The following THSD7A variants were observed in gnomAD, a reference collection of about 807,000 sequenced individuals.
THSD7A encodes thrombospondin type-1 domain-containing protein 7A.
THSD7A carries 96 observed loss-of-function variants against 231.3 expected under a neutral mutation model. That is an observed-to-expected ratio of 0.41 (90% confidence interval 0.35 to 0.49). THSD7A has a LOEUF of 0.49. Ranked by LOEUF, THSD7A falls within the 20% of genes least tolerant of loss-of-function variation. The probability of loss-of-function intolerance (pLI) is 0.05; values close to 1 mark genes in which losing one functional copy is unlikely to be tolerated. For missense variants in THSD7A, 2,290 were observed against 2,070.2 expected (o/e 1.11, Z -2.06); for synonymous variants, 940 against 743.3 (o/e 1.26, Z -4.30).
intron 1 of THSD7A, among the ~76,000 whole-genome samples, chr7:11,682,265 A>C (rs966189982): frequency 6.6e-6 from 1 of 152,110 alleles, no homozygotes; most frequent in African/African-American, 2.4e-5. Context: ...AATATTAACC[A>C]TGAATGTAAA....
chr7:11,385,193 C>T (rs985111602), intron 23 of THSD7A: 2 of 150,522 alleles, frequency 1.3e-5, no homozygotes, highest in Non-Finnish European at 3.0e-5. Context: ...TACTTCCAAA[C>T]AGTCGTCTAT....
chr7:11,797,274 A>T (rs1229498388), intron 1 of THSD7A, among the ~76,000 whole-genome samples: 3 of 152,270 alleles, frequency 2.0e-5, no homozygotes, highest in Admixed American at 2.0e-4. Context: ...TGGATAACAC[A>T]TTTAAGCCAT....
At chr7:11,426,756 G>T (rs933190109) in intron 14 of THSD7A, 85 bp from the exon 15 acceptor site, 3 of 1,392,414 alleles carry the variant, frequency 2.2e-6, no homozygotes, top group African/African-American at 2.9e-5. Flanking sequence ...AGAACACATG[G>T]TAAGTTTCAA....
intron 4 of THSD7A, among the ~76,000 whole-genome samples, chr7:11,583,978 A>C (rs1426273734): frequency 6.6e-6 from 1 of 152,202 alleles, no homozygotes; most frequent in Admixed American, 6.5e-5. Flanking sequence ...CTCCCTCTAC[A>C]GGTAAGTTGA....
Position 11,590,748 on chromosome 7 carries a change from C to T in THSD7A, c.1272-107G>A. ...GAAAATTAGTCTCAAAATCATTTTC[C>T]TAGAGAATCCATCGTAGACTACATC... On this transcript the variant is annotated intron_variant, in intron 3 of 27. Transcript: ENST00000423059. The surrounding 1 kb of genome is among the most constrained non-coding windows in gnomAD (Gnocchi z 4.4). The T allele has an allele frequency of 5.5e-6, 7 of 1,281,464 alleles. No individual in the cohort carries two copies. The highest frequency in any genetic ancestry group is 7.4e-6 in the Non-Finnish European group (7 of 945,710). 79.4% of individuals were successfully genotyped at this position (1,281,464 alleles called of 1,614,324 possible).
intron 1 of THSD7A, among the ~76,000 whole-genome samples, chr7:11,715,856 C>T (rs890040563): frequency 1.1e-4 from 17 of 151,414 alleles, no homozygotes; most frequent in African/African-American, 4.1e-4. Flanking sequence ...ACATGAAAGC[C>T]AGTTTGTAAA....
chr7:11,617,129 T>G (rs947605375), intron 2 of THSD7A, among the ~76,000 whole-genome samples: 4 of 152,134 alleles, frequency 2.6e-5, no homozygotes, highest in Non-Finnish European at 2.9e-5. Flanking sequence ...AAAGTAACAT[T>G]TTATTTGGTT....
At chr7:11,694,121 C>G in intron 1 of THSD7A, among the ~76,000 whole-genome samples, 1 of 151,434 alleles carries the variant, frequency 6.6e-6, no homozygotes. Context: ...TTGCTATTAC[C>G]TTCTGTTTCC....
chr7:11,800,728 G>T (rs1010411596), intron 1 of THSD7A, among the ~76,000 whole-genome samples: 5 of 152,158 alleles, frequency 3.3e-5, no homozygotes, highest in African/African-American at 1.2e-4. Flanking sequence ...GGGCTGAGGG[G>T]AGAGGGAAAT....
intron 1 of THSD7A, among the ~76,000 whole-genome samples, chr7:11,678,677 A>T (rs1783742489): frequency 6.6e-6 from 1 of 152,158 alleles, no homozygotes; most frequent in Admixed American, 6.5e-5. Flanking sequence ...TAGACCAGTA[A>T]CAAGTTCTGA....
At position 11,777,636 on chromosome 7, in the gene THSD7A, G is replaced by A. The variant is rs143470177; in HGVS notation, c.190+54121C>T. Among the ~76,000 whole-genome samples, 847 of 152,214 alleles carry A rather than the reference G, an allele frequency of 5.6e-3. 10 individuals carry two copies. The highest frequency in any genetic ancestry group is 9.7e-3 in the Non-Finnish European group (662 of 68,008). ...TTTCTGTGACTTCTGAATTCCTATT[G>A]TTTGTCTAAGATAGTCTAATTCTAG... On this transcript the variant is annotated intron_variant, in intron 1 of 27. Transcript: ENST00000423059.
chr7:11,512,962 T>A (rs1389367873), intron 6 of THSD7A, among the ~76,000 whole-genome samples: 1 of 144,850 alleles, frequency 6.9e-6, no homozygotes, highest in Non-Finnish European at 1.5e-5. Flanking sequence ...TATATATATG[T>A]AAAATACTAC....
chr7:11,627,750 C>A (rs1781519323), intron 2 of THSD7A, among the ~76,000 whole-genome samples: 1 of 152,066 alleles, frequency 6.6e-6, no homozygotes, highest in Admixed American at 6.6e-5. Context: ...TTTGGTCAGA[C>A]CAGCTGTCTT....
chr7:11,800,813 A>G (rs1458576651), intron 1 of THSD7A, among the ~76,000 whole-genome samples: 1 of 152,212 alleles, frequency 6.6e-6, no homozygotes, highest in Non-Finnish European at 1.5e-5. Flanking sequence ...TCTCTACAAC[A>G]TAGTACCTAT....
At chr7:11,530,543 G>A (rs1377911437) in intron 6 of THSD7A, among the ~76,000 whole-genome samples, 1 of 152,122 alleles carries the variant, frequency 6.6e-6, no homozygotes, top group Non-Finnish European at 1.5e-5. Flanking sequence ...CATATAGAAG[G>A]AATAGTGGGG....
At position 11,551,445 on chromosome 7, in the gene THSD7A, A is replaced by T. The variant is rs552326461; in HGVS notation, c.1454-8328T>A. On this transcript the variant is annotated intron_variant, in intron 4 of 27. Transcript: ENST00000423059. ...TGAGAGAAAATATTGCAAAGTATGC[A>T]TCTGACAAAGGTCTAATATCCTGAA... 2.0e-5 allele frequency among the ~76,000 whole-genome samples: 3 copies of T among 152,304 alleles called. No homozygotes were observed. The East Asian group carries it at 5.8e-4, about 29-fold the overall frequency.
At chr7:11,493,558 T>C (rs138346777) in intron 6 of THSD7A, among the ~76,000 whole-genome samples, 2 of 152,224 alleles carry the variant, frequency 1.3e-5, no homozygotes, top group African/African-American at 2.4e-5. Context: ...TCATTCCTGT[T>C]TAAAATCCAA....
At chr7:11,706,794 A>T (rs902544026) in intron 1 of THSD7A, among the ~76,000 whole-genome samples, 11 of 150,578 alleles carry the variant, frequency 7.3e-5, no homozygotes, top group Non-Finnish European at 1.0e-4. Flanking sequence ...ACAGAAAATC[A>T]TTAAAGTACA....
intron 6 of THSD7A, among the ~76,000 whole-genome samples, chr7:11,504,790 C>A (rs1457572557): frequency 2.0e-5 from 3 of 151,792 alleles, no homozygotes; most frequent in Admixed American, 6.6e-5. Context: ...TTGCATGAAC[C>A]ATTTTCTTCT....
Sources: allele counts gnomAD v4.1 joint callset (sites outside exome capture counted in the v4.1 genomes callset), GRCh38; gene constraint gnomAD v4.1.1; non-coding constraint Gnocchi (gnomAD v3.1); transcripts MANE v1.5; gene names NCBI Gene and HGNC (gene_info 2026-07-23, HGNC 2026-07-21).